RSRC1: variants seen among roughly 807,000 people sequenced by gnomAD.
RSRC1 encodes arginine and serine rich coiled-coil 1.
In RSRC1, 39 loss-of-function variants were observed where a neutral mutation model predicts 49.1. The observed-to-expected ratio is 0.79, with a 90% CI of 0.61 to 1.04. The LOEUF (loss-of-function observed/expected upper bound fraction) is 1.04, where lower values mean the gene tolerates loss of function less well. RSRC1 is among the 50% of genes least tolerant of loss of function. RSRC1 has a pLI of 0.00. For missense variants in RSRC1, 388 were observed against 402.4 expected (o/e 0.96, Z 0.31); for synonymous variants, 143 against 130.8 (o/e 1.09, Z -0.63).
chr3:158,183,661 A>G (rs548993647), intron 3 of RSRC1, among the ~76,000 whole-genome samples: 8 of 152,304 alleles, frequency 5.3e-5, no homozygotes, highest in Non-Finnish European at 8.8e-5. Flanking sequence ...TCATGCCTGT[A>G]ATCCCAGCAC....
At chr3:158,227,631 C>G (rs1722602355) in intron 4 of RSRC1, among the ~76,000 whole-genome samples, 2 of 151,966 alleles carry the variant, frequency 1.3e-5, no homozygotes. Context: ...AACCACTAGT[C>G]TAGAAGAATC....
At position 158,485,024 on chromosome 3, in the gene RSRC1, A is replaced by G. The variant is rs552942171; in HGVS notation, c.652+24021A>G. On this transcript the variant is annotated intron_variant, in intron 7 of 9. Transcript: ENST00000611884. ...AAATCTAACCTGGTCCTAAATCTATAGAGCCCATTTTCCAACTAGTTTTGT... is the reference window on the plus strand; with the variant it reads ...AAATCTAACCTGGTCCTAAATCTATGGAGCCCATTTTCCAACTAGTTTTGT... 9.9e-5 allele frequency among the ~76,000 whole-genome samples: 15 copies of G among 152,240 alleles called. 1 individual carries two copies. The South Asian group carries it at 3.1e-3, about 32-fold the overall frequency.
At chr3:158,428,574 A>G (rs1193456202) in intron 6 of RSRC1, among the ~76,000 whole-genome samples, 1 of 151,900 alleles carries the variant, frequency 6.6e-6, no homozygotes, top group Non-Finnish European at 1.5e-5. Context: ...CAGTTAATAC[A>G]TGTAAAATGT....
chr3:158,211,194 G>A (rs891239550), intron 4 of RSRC1, among the ~76,000 whole-genome samples: 13 of 151,880 alleles, frequency 8.6e-5, no homozygotes, highest in African/African-American at 2.9e-4. Context: ...AAAGAGTACT[G>A]AGTTGTAGTG....
At chr3:158,226,311 A>G (rs533502710) in intron 4 of RSRC1, among the ~76,000 whole-genome samples, 2 of 152,110 alleles carry the variant, frequency 1.3e-5, no homozygotes, top group Admixed American at 6.6e-5. Flanking sequence ...AACAACCTCT[A>G]TTAGCAGAAC....
At chr3:158,112,803 G>GC (rs1239431859) in intron 1 of RSRC1, among the ~76,000 whole-genome samples, 1 of 151,660 alleles carries the variant, frequency 6.6e-6, no homozygotes, top group Non-Finnish European at 1.5e-5. Context: ...CTTCCCCCAT[G>GC]CCCCCACCTC....
At chr3:158,429,843 C>T (rs1337695488) in intron 6 of RSRC1, among the ~76,000 whole-genome samples, 1 of 151,240 alleles carries the variant, frequency 6.6e-6, no homozygotes, top group African/African-American at 2.4e-5. Flanking sequence ...TTCGTAGAAT[C>T]GAGGAGTGAA....
In RSRC1 at chr3:158,460,209, C is replaced by A. The variant is rs941492158; in HGVS notation, c.584-726C>A. On this transcript the variant is annotated intron_variant, in intron 6 of 9. Transcript: ENST00000611884. ...TTAGTTCACTCATCAGGCAGTGAGA[C>A]GGCAATAAAGGAGAATCGCTCCTTT... Among the ~76,000 whole-genome samples the A allele has an allele frequency of 2.6e-5, 4 of 151,878 alleles. No individual in the cohort carries two copies. The South Asian group carries it at 6.2e-4, about 24-fold the overall frequency.
chr3:158,202,680 T>C (rs1721127089), intron 3 of RSRC1, among the ~76,000 whole-genome samples: 1 of 150,868 alleles, frequency 6.6e-6, no homozygotes, highest in South Asian at 2.1e-4. Flanking sequence ...AGTGGATCAG[T>C]ATTTATATTG....
In RSRC1 at chr3:158,276,910, T is replaced by C. The variant is rs190858720; in HGVS notation, c.495-21129T>C. 4.2e-3 allele frequency among the ~76,000 whole-genome samples: 641 copies of C among 152,262 alleles called. 4 individuals are homozygous for C. The highest frequency in any genetic ancestry group is 0.014 in the African/African-American group (601 of 41,552). On this transcript the variant is annotated intron_variant, in intron 4 of 9. Transcript: ENST00000611884. The stretch of plus-strand genomic sequence containing the variant: ...GCCTCTGGCTTCCTATCCCCCCATT[T>C]CCTAAAGTCAAAATAACCTCATATG...
chr3:158,135,272 A>AT (rs10626579), intron 3 of RSRC1, among the ~76,000 whole-genome samples: 47,435 of 144,176 alleles, frequency 0.33, 9,641 homozygotes, highest in African/African-American at 0.57. Context: ...TTATAGTGTA[A>AT]TTTTTTTTTT....
At chr3:158,483,562 G>A (rs1738701287) in intron 7 of RSRC1, among the ~76,000 whole-genome samples, 2 of 152,030 alleles carry the variant, frequency 1.3e-5, no homozygotes, top group African/African-American at 4.8e-5. Context: ...TCTGAGATTT[G>A]TCTTTAAATA....
At chr3:158,410,318 T>TA (rs1734391234) in intron 6 of RSRC1, among the ~76,000 whole-genome samples, 1 of 152,124 alleles carries the variant, frequency 6.6e-6, no homozygotes, top group Non-Finnish European at 1.5e-5. Flanking sequence ...CTGAAATACT[T>TA]ACCTCTTCCC....
intron 6 of RSRC1, among the ~76,000 whole-genome samples, chr3:158,378,000 G>A (rs1206682996): frequency 6.6e-6 from 1 of 152,056 alleles, no homozygotes; most frequent in Admixed American, 6.6e-5. Context: ...GACTGATACA[G>A]TCATCCTGCT....
chr3:158,285,050 C>A (rs1198396610), intron 4 of RSRC1, among the ~76,000 whole-genome samples: 1 of 152,032 alleles, frequency 6.6e-6, no homozygotes, highest in Non-Finnish European at 1.5e-5. Flanking sequence ...GTCTTTAATC[C>A]ATCTTGAATT....
Position 158,300,966 on chromosome 3 carries a change from T to G in RSRC1, c.531+2891T>G, listed in dbSNP as rs943982760. On this transcript the variant is annotated intron_variant, in intron 5 of 9. Coordinates refer to ENST00000611884, the MANE Select transcript of RSRC1 (RefSeq NM_001271838.2). Reference sequence around the variant, plus strand: ...GAAAAGGGGAAAGCAAGTGTGGATCTGTGGAGAAAAGAGTGGGATAGGTGG... The same window carrying G: ...GAAAAGGGGAAAGCAAGTGTGGATCGGTGGAGAAAAGAGTGGGATAGGTGG... Among the ~76,000 whole-genome samples, 7 of 152,152 alleles carry G rather than the reference T, an allele frequency of 4.6e-5. No individual in the cohort carries two copies. The South Asian group carries it at 1.5e-3, about 32-fold the overall frequency.
intron 6 of RSRC1, among the ~76,000 whole-genome samples, chr3:158,377,437 G>A (rs1476107737): frequency 1.3e-5 from 2 of 152,030 alleles, no homozygotes; most frequent in African/African-American, 2.4e-5. Flanking sequence ...TTGTGGTAAC[G>A]AGTGAATTCT....
intron 6 of RSRC1, among the ~76,000 whole-genome samples, chr3:158,369,618 T>C (rs1336455659): frequency 1.3e-5 from 2 of 152,112 alleles, no homozygotes; most frequent in African/African-American, 4.8e-5. Context: ...CATGTGTGAG[T>C]ACAGCATCTT....
chr3:158,240,282 T>C (rs827170), intron 4 of RSRC1, among the ~76,000 whole-genome samples: 1 of 151,902 alleles, frequency 6.6e-6, no homozygotes, highest in Non-Finnish European at 1.5e-5. Context: ...TTTTTGGTAG[T>C]TAACCTTTCC....
Sources: gnomAD v4.1 joint callset for allele counts (sites outside exome capture counted in the v4.1 genomes callset) on GRCh38, gnomAD v4.1.1 for gene constraint, MANE v1.5 for transcripts, NCBI Gene and HGNC (gene_info 2026-07-23, HGNC 2026-07-21) for gene names.